Variants in LYRM4 observed in about 807,000 individuals in gnomAD.
The protein encoded by LYRM4 is LYR motif-containing protein 4.
In LYRM4, 9 loss-of-function variants were observed where a neutral mutation model predicts 11.7. The observed-to-expected ratio is 0.77, with a 90% CI of 0.46 to 1.34. LYRM4 has a LOEUF of 1.34. LYRM4 is among the 40% of genes most tolerant of loss of function. LYRM4 has a pLI of 0.00. For synonymous variants in LYRM4, 42 were observed against 40.4 expected (o/e 1.04, Z -0.15); for missense variants, 133 against 112.5 (o/e 1.18, Z -0.82).
At chr6:5,198,365 T>A (rs528772527) in intron 2 of LYRM4, among the ~76,000 whole-genome samples, 1 of 152,168 alleles carries the variant, frequency 6.6e-6, no homozygotes, top group South Asian at 2.1e-4. Context: ...ATAAGCAGCA[T>A]CAGGTTTGTC....
chr6:5,065,485 C>G, the LYRM4 span, among the ~76,000 whole-genome samples: 1 of 152,174 alleles, frequency 6.6e-6, no homozygotes, highest in South Asian at 2.1e-4. Flanking sequence ...GACTCTTGCT[C>G]CTCAAGAAGA....
intron 1 of LYRM4, among the ~76,000 whole-genome samples, chr6:5,225,419 A>T (rs1179391316): frequency 6.6e-6 from 1 of 152,196 alleles, no homozygotes; most frequent in Non-Finnish European, 1.5e-5. Flanking sequence ...CATTAGGTTC[A>T]TATTAAAATC....
Position 5,110,027 on chromosome 6 carries a change from C to T in LYRM4, c.208-536G>A, listed in dbSNP as rs1296139600. Among the ~76,000 whole-genome samples the T allele has an allele frequency of 2.6e-5, 4 of 152,290 alleles. No individual in the cohort carries two copies. In the East Asian group the frequency reaches 7.7e-4, roughly 29 times the overall value. ...TCCTGCCTTCTATCTTTCCTGCCCC[C>T]TTCTTTTTAAAGTGTCCTTTTTATT... On this transcript the variant is annotated intron_variant, in intron 2 of 2. Transcript: ENST00000330636.
At chr6:5,122,771 A>G (rs1763517489) in intron 2 of LYRM4, among the ~76,000 whole-genome samples, 1 of 152,226 alleles carries the variant, frequency 6.6e-6, no homozygotes, top group African/African-American at 2.4e-5. Context: ...GTGAATACCA[A>G]CAGAGACAAA....
intron 1 of LYRM4, among the ~76,000 whole-genome samples, chr6:5,221,033 C>A (rs1267361588): frequency 1.3e-5 from 2 of 152,070 alleles, no homozygotes; most frequent in Non-Finnish European, 2.9e-5. Flanking sequence ...CACTATGCTG[C>A]CCAGGCTGGT....
chr6:5,206,045 T>C (rs1761677793), intron 2 of LYRM4, among the ~76,000 whole-genome samples: 2 of 152,176 alleles, frequency 1.3e-5, no homozygotes, highest in South Asian at 4.1e-4. Context: ...TACTCCCCCA[T>C]GTGCAAGAAA....
Position 5,191,455 on chromosome 6 carries a change from G to T in LYRM4, c.207+25163C>A, listed in dbSNP as rs138914389. Among the ~76,000 whole-genome samples, 188 of 152,220 alleles carry T rather than the reference G, an allele frequency of 1.2e-3. 1 individual carries two copies. Among genetic ancestry groups the T allele is most frequent in the African/African-American group, 4.3e-3 (178 of 41,530 alleles). ...GAGAAGTATATGACTCAAAGATAAGGCCTGAAAATGTGTTGTGAGAGAGTA... is the reference window on the plus strand; with the variant it reads ...GAGAAGTATATGACTCAAAGATAAGTCCTGAAAATGTGTTGTGAGAGAGTA... On this transcript the variant is annotated intron_variant, in intron 2 of 2. Transcript: ENST00000330636.
chr6:5,095,941 C>T, the LYRM4 span, among the ~76,000 whole-genome samples: 3 of 152,152 alleles, frequency 2.0e-5, no homozygotes, highest in African/African-American at 7.2e-5. Context: ...GATCGCACAA[C>T]TGCACTACAG....
chr6:5,120,614 T>TGC (rs1763404831), intron 2 of LYRM4, among the ~76,000 whole-genome samples: 1 of 152,220 alleles, frequency 6.6e-6, no homozygotes, highest in South Asian at 2.1e-4. Flanking sequence ...TATTTGTCTC[T>TGC]GCCCATGTCC....
chr6:5,143,066 G>A (rs1399598385), intron 2 of LYRM4, among the ~76,000 whole-genome samples: 2 of 152,252 alleles, frequency 1.3e-5, no homozygotes, highest in African/African-American at 4.8e-5. Context: ...GATGCCACAT[G>A]TATTGGTTCA....
chr6:5,049,078 A>G, the LYRM4 span, among the ~76,000 whole-genome samples: 2 of 152,254 alleles, frequency 1.3e-5, no homozygotes, highest in African/African-American at 2.4e-5. Context: ...AGATTGGGAA[A>G]GGGGATGGCA....
downstream of LYRM4, chr6:5,103,454 G>T (rs1762563292): frequency 6.6e-6 from 1 of 152,172 alleles, no homozygotes; most frequent in Admixed American, 6.5e-5. Flanking sequence ...ACTGGCACAG[G>T]TTCACAGAGC....
chr6:5,066,854 G>T, the LYRM4 span: 1 of 849,394 alleles, frequency 1.2e-6, no homozygotes, highest in Admixed American at 2.0e-5. Context: ...AGTCAGACAG[G>T]CCACGGCGGT....
intron 2 of LYRM4, among the ~76,000 whole-genome samples, chr6:5,156,098 C>T (rs542932107): frequency 6.6e-6 from 1 of 152,282 alleles, no homozygotes; most frequent in Admixed American, 6.5e-5. Flanking sequence ...AAATAGGAGG[C>T]AAAGAGCTAG....
At chr6:5,237,968 A>C (rs1199134420) in intron 1 of LYRM4, among the ~76,000 whole-genome samples, 2 of 152,178 alleles carry the variant, frequency 1.3e-5, no homozygotes, top group Non-Finnish European at 2.9e-5. Flanking sequence ...ACTCTGACTC[A>C]CATTACTAAT....
chr6:5,085,191 G>T, the LYRM4 span: 1 of 421,730 alleles, frequency 2.4e-6, no homozygotes, highest in Non-Finnish European at 4.2e-6. Context: ...TGTCCCAGCG[G>T]CCGCGCCTCC....
chr6:5,125,022 T>C (rs1399999578), intron 2 of LYRM4, among the ~76,000 whole-genome samples: 3 of 152,132 alleles, frequency 2.0e-5, no homozygotes, highest in African/African-American at 4.8e-5. Context: ...GCTTCCCTCG[T>C]CTCCTAGTGA....
At chr6:5,253,205 G>GC (rs1456921542) in intron 1 of LYRM4, among the ~76,000 whole-genome samples, 1 of 152,138 alleles carries the variant, frequency 6.6e-6, no homozygotes, top group African/African-American at 2.4e-5. Context: ...ATGCATTTGG[G>GC]CATCACTTTA....
At chr6:5,143,216 T>TGAGTG (rs1757505753) in intron 2 of LYRM4, among the ~76,000 whole-genome samples, 1 of 20,712 alleles carries the variant, frequency 4.8e-5, no homozygotes, top group African/African-American at 2.0e-4. Context: ...ATCTTCTGTG[T>TGAGTG]GAGTCAGCAC....
Sources: gnomAD v4.1 joint callset for allele counts (sites outside exome capture counted in the v4.1 genomes callset) on GRCh38, gnomAD v4.1.1 for gene constraint, MANE v1.5 for transcripts, NCBI Gene and HGNC (gene_info 2026-07-23, HGNC 2026-07-21) for gene names.